The following UTP4 variants were observed in gnomAD, a reference collection of about 807,000 sequenced individuals.
UTP4 encodes UTP4 small subunit processome component.
In UTP4, 45 loss-of-function variants were observed where a neutral mutation model predicts 82.4. The observed-to-expected ratio is 0.55, with a 90% confidence interval of 0.43 to 0.70. The LOEUF (loss-of-function observed/expected upper bound fraction) is 0.70. Among genes scored for constraint, UTP4 ranks in the 30% least tolerant of loss-of-function variants. The probability of loss-of-function intolerance (pLI) is 0.00; values close to 1 mark genes in which losing one functional copy is unlikely to be tolerated. For synonymous variants in UTP4, 348 were observed against 300.3 expected, an observed-to-expected ratio of 1.16 and a Z score of -1.64; for missense variants, 819 against 858.3, an observed-to-expected ratio of 0.95 and a Z score of 0.57.
chr16:69,159,580 T>TGGGA (rs1225030937), intron 12 of UTP4, among the ~76,000 whole-genome samples: 2 of 150,308 alleles, frequency 1.3e-5, no homozygotes, highest in African/African-American at 4.9e-5. Context: ...CCCAGCTACT[T>TGGGA]GGGAGGCTGA....
intron 12 of UTP4, among the ~76,000 whole-genome samples, chr16:69,159,237 C>T (rs1432426588): frequency 1.3e-5 from 2 of 151,966 alleles, no homozygotes; most frequent in East Asian, 1.9e-4. Flanking sequence ...CAACCACGCC[C>T]AGCTATTTTT....
chr16:69,139,302 G>C (rs1962894845), intron 4 of UTP4, among the ~76,000 whole-genome samples: 1 of 151,946 alleles, frequency 6.6e-6, no homozygotes, highest in Non-Finnish European at 1.5e-5. Flanking sequence ...GTAATACAAT[G>C]CTTTTTAAAA....
intron 12 of UTP4, among the ~76,000 whole-genome samples, 189 bp downstream of exon 12, chr16:69,157,429 T>C (rs1002224135): frequency 2.6e-5 from 4 of 152,204 alleles, no homozygotes; most frequent in Admixed American, 6.5e-5. Context: ...ATCTGCAATG[T>C]TCTTCACACC....
intron 11 of UTP4, among the ~76,000 whole-genome samples, 181 bp from the exon 12 acceptor site, chr16:69,156,899 ATATT>A (rs1355808062): frequency 1.3e-5 from 2 of 152,240 alleles, no homozygotes; most frequent in Non-Finnish European, 2.9e-5. Flanking sequence ...AGAGAAGTGA[ATATT>A]TAGTAAAGAG....
At chr16:69,157,002 A>C in intron 11 of UTP4, 82 bp from the exon 12 acceptor site, 3 of 1,455,230 alleles carry the variant, frequency 2.1e-6, no homozygotes. Flanking sequence ...GCATTAATGT[A>C]CCTTAAGCCT....
intron 2 of UTP4, among the ~76,000 whole-genome samples, chr16:69,135,777 G>C (rs1962794522): frequency 6.6e-6 from 1 of 152,162 alleles, no homozygotes; most frequent in Non-Finnish European, 1.5e-5. Flanking sequence ...TGTAATCCCA[G>C]CAGTTTGGGA....
intron 6 of UTP4, among the ~76,000 whole-genome samples, chr16:69,150,042 A>G (rs1239223625): frequency 1.3e-5 from 2 of 152,130 alleles, no homozygotes; most frequent in African/African-American, 4.8e-5. Flanking sequence ...TTTCTTGGAT[A>G]TTTTTAATGA....
At chr16:69,168,479 C>T (rs1051111150) in intron 16 of UTP4, among the ~76,000 whole-genome samples, 3 of 150,072 alleles carry the variant, frequency 2.0e-5, no homozygotes, top group Admixed American at 1.3e-4. Context: ...TTGAGCCAGG[C>T]GCAGCCGTGC....
Position 69,163,188 on chromosome 16 carries a change from AT to A in UTP4, c.1647+12del. ...TCATTCGGACCAGCAGGTAAGGGAG[AT>A]TCCAGTGCTTTCTATTCCCTTCCTG... On this transcript the variant is annotated intron_variant, in intron 14 of 16. Coordinates refer to ENST00000314423, the MANE Select transcript of UTP4 (RefSeq NM_032830.3). 1 of 1,599,870 alleles carries A rather than the reference AT, an allele frequency of 6.3e-7. No homozygotes were observed. Among genetic ancestry groups the A allele is most frequent in the South Asian group, 1.1e-5 (1 of 90,810 alleles).
At chr16:69,153,755 C>A (rs1257731812) in intron 9 of UTP4, 75 bp downstream of exon 9, 1 of 1,003,842 alleles carries the variant, frequency 1.0e-6, no homozygotes, top group Non-Finnish European at 1.6e-6. Flanking sequence ...GGTTGGAATT[C>A]TGCTTATAGA....
intron 11 of UTP4, 77 bp downstream of exon 11, chr16:69,156,070 A>G: frequency 7.0e-7 from 1 of 1,424,826 alleles, no homozygotes. Flanking sequence ...GTGGAAATCA[A>G]CTGGATGTGA....
intron 6 of UTP4, among the ~76,000 whole-genome samples, chr16:69,148,475 G>A (rs1258202401): frequency 2.0e-5 from 3 of 151,840 alleles, no homozygotes; most frequent in African/African-American, 2.4e-5. Context: ...CAAGTGATCC[G>A]CCCGCCTCAG....
intron 6 of UTP4, among the ~76,000 whole-genome samples, chr16:69,148,919 G>T (rs1435210222): frequency 6.6e-6 from 1 of 151,970 alleles, no homozygotes; most frequent in Non-Finnish European, 1.5e-5. Flanking sequence ...TCTTGTTTGG[G>T]TTTTTTGTGT....
chr16:69,157,347 C>A (rs1375874229), intron 12 of UTP4, 107 bp downstream of exon 12: 2 of 1,063,364 alleles, frequency 1.9e-6, no homozygotes, highest in East Asian at 2.6e-5. Context: ...TCCTACCCTG[C>A]AGATACACTC....
chr16:69,137,920 T>G (rs777821483), intron 4 of UTP4, 35 bp downstream of exon 4: 1 of 1,293,740 alleles, frequency 7.7e-7, no homozygotes, highest in Non-Finnish European at 1.1e-6. Flanking sequence ...GTAAATAGCC[T>G]TAACAAGAAA....
intron 5 of UTP4, among the ~76,000 whole-genome samples, chr16:69,140,553 T>C (rs1962931712): frequency 6.6e-6 from 1 of 152,000 alleles, no homozygotes; most frequent in African/African-American, 2.4e-5. Context: ...CTGTCTCTAC[T>C]AAAAATACAA....
At chr16:69,141,944 C>T (rs1273320802) in intron 5 of UTP4, among the ~76,000 whole-genome samples, 2 of 151,002 alleles carry the variant, frequency 1.3e-5, no homozygotes, top group African/African-American at 2.4e-5. Context: ...CCCATTAACT[C>T]GTCATTTAGC....
chr16:69,166,907 A>G (rs1411198024), intron 15 of UTP4, 168 bp from the exon 16 acceptor site: 3 of 613,164 alleles, frequency 4.9e-6, no homozygotes, highest in Non-Finnish European at 8.7e-6. Context: ...TTTTCTGAAT[A>G]GAGGTATTAT....
intron 11 of UTP4, 57 bp from the exon 12 acceptor site, chr16:69,157,027 C>T: frequency 6.3e-7 from 1 of 1,584,438 alleles, no homozygotes. Context: ...GTGATTGTTT[C>T]TGATGGGCTG....
Sources: allele counts gnomAD v4.1 joint callset (sites outside exome capture counted in the v4.1 genomes callset), GRCh38; gene constraint gnomAD v4.1.1; transcripts MANE v1.5; gene names NCBI Gene and HGNC (gene_info 2026-07-23, HGNC 2026-07-21).